Variants in DMD observed in about 807,000 individuals in gnomAD.
DMD encodes the protein dystrophin.
A neutral mutation model predicts 330.1 loss-of-function variants in DMD; 63 were observed. That is an observed-to-expected ratio of 0.19 (90% CI 0.16 to 0.24). The LOEUF is 0.24. Among genes scored for constraint, DMD ranks in the 10% least tolerant of loss-of-function variants. The probability of loss-of-function intolerance (pLI) is 1.00; values close to 1 mark genes in which losing one functional copy is unlikely to be tolerated. For missense variants in DMD, 3,344 were observed against 2,684.1 expected (o/e 1.25, Z -5.43); for synonymous variants, 1,223 against 959.8 (o/e 1.27, Z -5.07).
At chrX:31,133,835 A>G (rs773519604) in intron 77 of DMD, among the ~76,000 whole-genome samples, 6 of 112,378 alleles carry the variant, frequency 5.3e-5, no homozygotes, top group Non-Finnish European at 9.4e-5. Context: ...AACTCTTCAG[A>G]CTAATGTGTG....
At chrX:32,488,864 G>A (rs1488646241) in intron 20 of DMD, among the ~76,000 whole-genome samples, 1 of 111,088 alleles carries the variant, frequency 9.0e-6, no homozygotes, top group Admixed American at 9.6e-5. Context: ...GCCCCTCTAT[G>A]TTCAGCATTT....
chrX:32,083,885 G>C (rs1465323208), intron 44 of DMD, among the ~76,000 whole-genome samples: 1 of 112,472 alleles, frequency 8.9e-6, no homozygotes, highest in African/African-American at 3.2e-5. Context: ...TGTTCAGATT[G>C]CCTAGAAAGC....
intron 2 of DMD, among the ~76,000 whole-genome samples, chrX:32,959,364 C>T (rs12852380): frequency 0.21 from 23,011 of 110,496 alleles, 1,837 homozygotes; most frequent in East Asian, 0.39. Flanking sequence ...TCTTCTCATC[C>T]AATTCCGGTT....
At chrX:32,357,284 T>C (rs1324614819) in intron 37 of DMD, among the ~76,000 whole-genome samples, 1 of 111,770 alleles carries the variant, frequency 8.9e-6, no homozygotes, top group African/African-American at 3.3e-5. Context: ...TTGTATGTAA[T>C]GACTTAACTC....
At chrX:33,067,527 C>T (rs909773547) in intron 1 of DMD, among the ~76,000 whole-genome samples, 1 of 112,188 alleles carries the variant, frequency 8.9e-6, no homozygotes, top group Non-Finnish European at 1.9e-5. Flanking sequence ...AACCTCAGTA[C>T]TAGTGAACAT....
chrX:31,421,179 C>T (rs2063343602), intron 60 of DMD, among the ~76,000 whole-genome samples: 1 of 111,806 alleles, frequency 8.9e-6, no homozygotes. Context: ...TATGGGGTTG[C>T]CTTTCACGTC....
intron 7 of DMD, among the ~76,000 whole-genome samples, chrX:32,765,816 C>A (rs992752237): frequency 8.9e-6 from 1 of 111,935 alleles, no homozygotes; most frequent in Non-Finnish European, 1.9e-5. Context: ...CAAATGTCTA[C>A]GCTTTCTTCT....
intron 44 of DMD, among the ~76,000 whole-genome samples, chrX:32,179,570 G>T (rs1681564541): frequency 8.9e-6 from 1 of 112,243 alleles, no homozygotes; most frequent in South Asian, 3.7e-4. Flanking sequence ...TTGTCCTGGA[G>T]TTAAATGGTA....
intron 48 of DMD, among the ~76,000 whole-genome samples, chrX:31,846,983 G>T (rs2093439029): frequency 9.0e-6 from 1 of 111,643 alleles, no homozygotes; most frequent in African/African-American, 3.2e-5. Flanking sequence ...GTACTAAGTG[G>T]GTGCTTGCTA....
chrX:32,169,218 G>C (rs1172113012), intron 44 of DMD, among the ~76,000 whole-genome samples: 1 of 112,114 alleles, frequency 8.9e-6, no homozygotes, highest in Non-Finnish European at 1.9e-5. Flanking sequence ...GTCCTTGAAG[G>C]TGACAGGGAT....
chrX:31,387,714 G>C (rs1206119959), intron 60 of DMD, among the ~76,000 whole-genome samples: 1 of 111,132 alleles, frequency 9.0e-6, no homozygotes, highest in African/African-American at 3.3e-5. Context: ...TCTTTTAAAT[G>C]TTATATAATC....
intron 57 of DMD, among the ~76,000 whole-genome samples, chrX:31,485,108 T>C (rs1378033808): frequency 8.9e-6 from 1 of 112,770 alleles, no homozygotes; most frequent in Non-Finnish European, 1.9e-5. Context: ...TGGAAAATCC[T>C]AATGGCCATG....
At chrX:32,062,660 A>C (rs757859530) in intron 44 of DMD, among the ~76,000 whole-genome samples, 18 of 111,271 alleles carry the variant, frequency 1.6e-4, no homozygotes, top group African/African-American at 5.5e-4. Flanking sequence ...AGTATAAGTA[A>C]AAAGGATTTT....
chrX:32,830,591 CAA>C (rs200366098), intron 4 of DMD, among the ~76,000 whole-genome samples: 2,396 of 111,146 alleles, frequency 0.022, 57 homozygotes, highest in African/African-American at 0.073. Flanking sequence ...CATCTGATAC[CAA>C]AATAGGTGTG....
intron 52 of DMD, among the ~76,000 whole-genome samples, chrX:31,704,461 T>A (rs184484948): frequency 6.3e-5 from 7 of 111,716 alleles, no homozygotes; most frequent in African/African-American, 2.3e-4. Flanking sequence ...ATTCCCATAG[T>A]AAAAGGAAAA....
chrX:33,301,154 G>A (rs1342804703), intron 1 of DMD, among the ~76,000 whole-genome samples: 1 of 111,268 alleles, frequency 9.0e-6, no homozygotes, highest in Non-Finnish European at 1.9e-5. Flanking sequence ...TCAAGGCCAG[G>A]CATTGTCTGA....
chrX:32,353,787 TG>T (rs2097789694), intron 37 of DMD, among the ~76,000 whole-genome samples: 1 of 111,248 alleles, frequency 9.0e-6, no homozygotes, highest in Non-Finnish European at 1.9e-5. Flanking sequence ...AATGGATAAA[TG>T]GACACATAAA....
chrX:32,557,877 G>A (rs180916340), intron 16 of DMD, among the ~76,000 whole-genome samples: 154 of 110,059 alleles, frequency 1.4e-3, no homozygotes, highest in Non-Finnish European at 2.5e-3. Flanking sequence ...CAAAGTTCAG[G>A]ACAGTAGCCT....
intron 51 of DMD, among the ~76,000 whole-genome samples, chrX:31,747,323 G>T (rs1314248446): frequency 1.8e-5 from 2 of 111,595 alleles, no homozygotes; most frequent in Non-Finnish European, 3.8e-5. Flanking sequence ...GCTCTCTTCA[G>T]TAAACAAAGA....
Sources: allele counts gnomAD v4.1 joint callset (sites outside exome capture counted in the v4.1 genomes callset), GRCh38; gene constraint gnomAD v4.1.1; transcripts MANE v1.5; gene names NCBI Gene and HGNC (gene_info 2026-07-23, HGNC 2026-07-21).